CADM2: variants seen among roughly 807,000 people sequenced by gnomAD.
CADM2 encodes the protein cell adhesion molecule 2.
Under a neutral mutation model 49.8 loss-of-function variants are expected in CADM2, and 12 were observed. That is an observed-to-expected ratio of 0.24 (90% CI 0.15 to 0.39). The LOEUF is 0.39. Among genes scored for constraint, CADM2 ranks in the 10% least tolerant of loss-of-function variants. The probability of loss-of-function intolerance (pLI) is 1.00; values close to 1 mark genes in which losing one functional copy is unlikely to be tolerated. For synonymous variants in CADM2, 214 were observed against 175.4 expected (o/e 1.22, Z -1.74); for missense variants, 378 against 492.3 (o/e 0.77, Z 2.20).
chr3:85,417,563 C>T (rs2035970674), intron 1 of CADM2, among the ~76,000 whole-genome samples: 1 of 152,098 alleles, frequency 6.6e-6, no homozygotes, highest in Non-Finnish European at 1.5e-5. Context: ...GATTAGTTAG[C>T]CATGCAACTT....
chr3:85,317,784 C>T (rs115271571), intron 1 of CADM2, among the ~76,000 whole-genome samples: 18 of 152,198 alleles, frequency 1.2e-4, no homozygotes, highest in Non-Finnish European at 2.6e-4. Flanking sequence ...TCAAGAATTC[C>T]GGGGTACATA....
chr3:85,889,502 A>T (rs1174733159), intron 5 of CADM2, among the ~76,000 whole-genome samples: 3 of 152,180 alleles, frequency 2.0e-5, no homozygotes, highest in African/African-American at 7.2e-5. Flanking sequence ...CTGTTTCAGG[A>T]TCACTTTGGT....
intron 1 of CADM2, among the ~76,000 whole-genome samples, chr3:85,668,909 C>T (rs1479548226): frequency 6.6e-6 from 1 of 152,050 alleles, no homozygotes; most frequent in East Asian, 1.9e-4. Context: ...ATTTATTTCT[C>T]CAGGAAGAAA....
At chr3:85,715,930 A>C (rs1293106200) in intron 1 of CADM2, among the ~76,000 whole-genome samples, 1 of 152,160 alleles carries the variant, frequency 6.6e-6, no homozygotes, top group Non-Finnish European at 1.5e-5. Context: ...GTTGGTTCCA[A>C]GTCTTTGCTA....
At chr3:85,810,362 AT>A (rs2072775634) in intron 3 of CADM2, among the ~76,000 whole-genome samples, 7 of 152,102 alleles carry the variant, frequency 4.6e-5, no homozygotes, top group Non-Finnish European at 8.8e-5. Context: ...AGGAAAGAGT[AT>A]AGCATATCAT....
At chr3:84,979,629 C>T (rs55804926) in intron 1 of CADM2, among the ~76,000 whole-genome samples, 7,086 of 151,780 alleles carry the variant, frequency 0.047, 215 homozygotes, top group Admixed American at 0.089. Flanking sequence ...CAGGAATAAA[C>T]TTCAATAAAT....
intron 1 of CADM2, among the ~76,000 whole-genome samples, chr3:85,044,681 A>C (rs1268433955): frequency 6.6e-6 from 1 of 152,176 alleles, no homozygotes. Context: ...TGGTTCCAGG[A>C]AAGTCAGTTG....
rs2068779126 is a variant in CADM2 at position 85,749,602 on chromosome 3, C to A, written c.88+23054C>A. Among the ~76,000 whole-genome samples the A allele has an allele frequency of 3.9e-5, 6 of 152,046 alleles. No homozygotes were observed. In the South Asian group the frequency reaches 1.0e-3, roughly 26 times the overall value. On this transcript the variant is annotated intron_variant, in intron 2 of 9. Transcript: ENST00000383699. ...TATAAATAAATTTTAAAAATGCTGACAGAGAAATCTCTACAGCAAACTATA... is the reference window on the plus strand; with the variant it reads ...TATAAATAAATTTTAAAAATGCTGAAAGAGAAATCTCTACAGCAAACTATA...
intron 1 of CADM2, among the ~76,000 whole-genome samples, chr3:85,105,756 A>C (rs1001855244): frequency 2.0e-5 from 3 of 152,228 alleles, no homozygotes; most frequent in Non-Finnish European, 2.9e-5. Flanking sequence ...ATGGGATACT[A>C]TGCAGCCATA....
At chr3:85,586,171 C>T (rs1237528040) in intron 1 of CADM2, among the ~76,000 whole-genome samples, 3 of 151,910 alleles carry the variant, frequency 2.0e-5, no homozygotes, top group Non-Finnish European at 4.4e-5. Context: ...TAAAATGTAC[C>T]ACAACAGTCT....
At chr3:86,025,631 A>T (rs1046854760) in intron 8 of CADM2, among the ~76,000 whole-genome samples, 1 of 152,160 alleles carries the variant, frequency 6.6e-6, no homozygotes, top group African/African-American at 2.4e-5. Flanking sequence ...GCGTATAGTG[A>T]GATAAGCTGC....
chr3:85,365,291 G>A (rs1409894175), intron 1 of CADM2, among the ~76,000 whole-genome samples: 1 of 148,764 alleles, frequency 6.7e-6, no homozygotes, highest in Non-Finnish European at 1.5e-5. Flanking sequence ...AGCTGTAATG[G>A]AAGAGGGCTT....
intron 3 of CADM2, among the ~76,000 whole-genome samples, chr3:85,878,392 TAGTTTTTA>T (rs1454620695): frequency 3.3e-5 from 5 of 152,114 alleles, no homozygotes; most frequent in Non-Finnish European, 5.9e-5. Context: ...TTTCAGAGCC[TAGTTTTTA>T]ATTAGTCAAG....
At chr3:85,620,865 A>T (rs1486022153) in intron 1 of CADM2, among the ~76,000 whole-genome samples, 5 of 152,090 alleles carry the variant, frequency 3.3e-5, no homozygotes, top group Admixed American at 6.6e-5. Flanking sequence ...ACTTTAACCA[A>T]GTATCTCTAA....
chr3:85,868,784 C>G (rs938392569), intron 3 of CADM2, among the ~76,000 whole-genome samples: 2 of 152,120 alleles, frequency 1.3e-5, no homozygotes, highest in African/African-American at 4.8e-5. Context: ...ACCTTATCTT[C>G]TGCTTTCTGA....
rs990237546 is a variant in CADM2, at chr3:85,649,824, C to T, written c.62-76698C>T. On this transcript the variant is annotated intron_variant, in intron 1 of 9. Coordinates refer to ENST00000383699, the MANE Select transcript of CADM2 (RefSeq NM_001167675.2). ...AGTTATAAATTCGTTTTCATTTGGT[C>T]AGGGACTGGTGAACTATGGCCAGAA... is the stretch of plus-strand genomic sequence containing the variant. Among the ~76,000 whole-genome samples the T allele has an allele frequency of 3.9e-5, 6 of 152,162 alleles. No individual in the cohort carries two copies. In the South Asian group the frequency reaches 6.2e-4, roughly 16 times the overall value.
At chr3:85,799,595 C>G (rs2071866508) in intron 2 of CADM2, among the ~76,000 whole-genome samples, 1 of 152,152 alleles carries the variant, frequency 6.6e-6, no homozygotes, top group African/African-American at 2.4e-5. Flanking sequence ...GTATGTTGAA[C>G]CAGACTTGCA....
intron 1 of CADM2, among the ~76,000 whole-genome samples, chr3:85,314,051 G>A (rs1294724791): frequency 1.3e-5 from 2 of 152,074 alleles, no homozygotes; most frequent in African/African-American, 4.8e-5. Context: ...CACCACGCCT[G>A]GTAATTTTTT....
At chr3:86,065,891 T>G (rs1328586546) in intron 9 of CADM2, among the ~76,000 whole-genome samples, 161 bp downstream of exon 9, 2 of 152,164 alleles carry the variant, frequency 1.3e-5, no homozygotes, top group Non-Finnish European at 2.9e-5. Flanking sequence ...TTATTTTACT[T>G]AAATTTAAAG....
Sources: gnomAD v4.1 joint callset for allele counts (sites outside exome capture counted in the v4.1 genomes callset) on GRCh38, gnomAD v4.1.1 for gene constraint, MANE v1.5 for transcripts, NCBI Gene and HGNC (gene_info 2026-07-23, HGNC 2026-07-21) for gene names.